NEGR1: variants seen among roughly 807,000 people sequenced by gnomAD.
NEGR1 encodes the protein neuronal growth regulator 1, also known as IgLON family member 4.
In NEGR1, 10 loss-of-function variants were observed where a neutral mutation model predicts 40.9. The observed-to-expected ratio is 0.24, with a 90% confidence interval of 0.15 to 0.42. The LOEUF is 0.42. Among genes scored for constraint, NEGR1 ranks in the 10% least tolerant of loss-of-function variants. NEGR1 has a pLI of 1.00. For missense variants in NEGR1, 352 were observed against 438.9 expected (o/e 0.80, Z 1.77); for synonymous variants, 185 against 166.8 (o/e 1.11, Z -0.84).
intron 2 of NEGR1, among the ~76,000 whole-genome samples, chr1:71,815,383 T>C (rs1338176094): frequency 2.0e-5 from 3 of 152,102 alleles, no homozygotes; most frequent in Non-Finnish European, 4.4e-5. Context: ...GTATATTCTG[T>C]TGTTTTTGGG....
Position 71,601,671 on chromosome 1 carries a change from G to A in NEGR1, c.789-8703C>T, listed in dbSNP as rs564894410. Among the ~76,000 whole-genome samples the A allele has an allele frequency of 6.6e-4, 100 of 152,292 alleles. 5 individuals are homozygous for A. The Middle Eastern group carries it at 0.044, about 67-fold the overall frequency. On this transcript the variant is annotated intron_variant, in intron 5 of 6. Transcript: ENST00000357731. ...TGTCCTTTGCAGCAACATGGATGGA[G>A]TTATAGGCCATTATCCTAAGTGAAA...
intron 1 of NEGR1, among the ~76,000 whole-genome samples, chr1:72,022,028 G>A (rs1646762426): frequency 1.3e-5 from 2 of 151,856 alleles, no homozygotes; most frequent in African/African-American, 2.4e-5. Flanking sequence ...CCAGCTACTT[G>A]GGAGGCTGAG....
intron 1 of NEGR1, among the ~76,000 whole-genome samples, chr1:72,012,878 T>TA (rs202147080): frequency 0.23 from 13,871 of 60,962 alleles, 683 homozygotes; most frequent in African/African-American, 0.32. Context: ...TATATATATA[T>TA]TTTTTTTTTT....
intron 1 of NEGR1, among the ~76,000 whole-genome samples, chr1:72,016,885 A>G (rs964083659): frequency 2.0e-5 from 3 of 152,298 alleles, no homozygotes; most frequent in Admixed American, 2.0e-4. Context: ...AATTATAAAC[A>G]GAGTTATTCA....
chr1:71,565,058 A>G (rs1648576930), intron 6 of NEGR1, among the ~76,000 whole-genome samples: 2 of 152,138 alleles, frequency 1.3e-5, no homozygotes, highest in Admixed American at 6.6e-5. Flanking sequence ...CAGTACTGAG[A>G]TCCTCTTCCC....
chr1:72,022,782 A>G (rs1426192756), intron 1 of NEGR1, among the ~76,000 whole-genome samples: 1 of 152,152 alleles, frequency 6.6e-6, no homozygotes, highest in Non-Finnish European at 1.5e-5. Context: ...GCCACTATTC[A>G]CAGACGATAT....
In NEGR1 at chr1:72,217,883, G is replaced by A. The variant is rs182397432; in HGVS notation, c.176+64436C>T. Among the ~76,000 whole-genome samples the A allele has an allele frequency of 5.1e-3, 781 of 151,758 alleles. 7 individuals carry two copies. The highest frequency in any genetic ancestry group is 0.018 in the African/African-American group (753 of 41,478). On this transcript the variant is annotated intron_variant, in intron 1 of 6. Coordinates refer to ENST00000357731, the MANE Select transcript of NEGR1 (RefSeq NM_173808.3). The stretch of plus-strand genomic sequence containing the variant: ...ATATAATAAGAAAAGTTTTCTCTTA[G>A]GCCAGTTTAGTCTTCTATATCTCCA...
intron 3 of NEGR1, among the ~76,000 whole-genome samples, chr1:71,766,625 T>G (rs1381014689): frequency 2.0e-5 from 3 of 152,140 alleles, no homozygotes; most frequent in South Asian, 2.1e-4. Flanking sequence ...TAGCCACAAA[T>G]AAGTGAATAT....
At chr1:72,075,803 T>G (rs1342439524) in intron 1 of NEGR1, among the ~76,000 whole-genome samples, 5 of 152,252 alleles carry the variant, frequency 3.3e-5, no homozygotes, top group Non-Finnish European at 7.3e-5. Context: ...TTATGTTTCC[T>G]TTAGCCCTGT....
At position 71,569,984 on chromosome 1, in the gene NEGR1, C is replaced by T. The variant is rs548385042; in HGVS notation, c.940+22833G>A. Reference sequence around the variant, plus strand: ...TGAATTACACAAAACAAGGTTCTAGCTTCATTTTGCCACTAACTAGTTTTA... The same window carrying T: ...TGAATTACACAAAACAAGGTTCTAGTTTCATTTTGCCACTAACTAGTTTTA... On this transcript the variant is annotated intron_variant, in intron 6 of 6. Transcript: ENST00000357731. Among the ~76,000 whole-genome samples the T allele has an allele frequency of 5.7e-5, 5 of 88,456 alleles. 1 individual carries two copies. In the South Asian group the frequency reaches 1.7e-3, roughly 29 times the overall value. 58.0% of individuals were successfully genotyped at this position (88,456 alleles called of 152,430 possible).
At chr1:71,686,100 T>C (rs1302669572) in intron 4 of NEGR1, among the ~76,000 whole-genome samples, 2 of 152,092 alleles carry the variant, frequency 1.3e-5, no homozygotes, top group African/African-American at 2.4e-5. Flanking sequence ...ATACTTCATA[T>C]AGGAGGAAAG....
chr1:72,132,487 C>A (rs914948973), intron 1 of NEGR1, among the ~76,000 whole-genome samples: 3 of 152,070 alleles, frequency 2.0e-5, no homozygotes, highest in Non-Finnish European at 4.4e-5. Flanking sequence ...TGAAAACAAA[C>A]AAACAAAATA....
intron 3 of NEGR1, chr1:71,703,360 C>T (rs542648309): frequency 2.6e-5 from 4 of 150,976 alleles, no homozygotes; most frequent in Non-Finnish European, 5.9e-5. Flanking sequence ...TTTAAGGGAA[C>T]AAAACAAAAT....
chr1:71,405,035 A>G lies in NEGR1; in HGVS notation c.*2411T>C, dbSNP rs1375537943. ...AGGAATGCTGCTGTGATACAGAAAA[A>G]CATAGTGAATACCTCCTCTATTTAA... On this transcript the variant is annotated 3_prime_UTR_variant, in exon 7 of 7. Coordinates refer to ENST00000357731, the MANE Select transcript of NEGR1 (RefSeq NM_173808.3). 6.6e-6 allele frequency: 1 copy of G among 152,200 alleles called. No individual in the cohort carries two copies. Among genetic ancestry groups the G allele is most frequent in the Non-Finnish European group, 1.5e-5 (1 of 67,754 alleles). 9.4% of individuals were successfully genotyped at this position (152,200 alleles called of 1,614,324 possible).
intron 4 of NEGR1, among the ~76,000 whole-genome samples, chr1:71,654,054 C>A (rs962809179): frequency 3.3e-5 from 5 of 152,018 alleles, no homozygotes; most frequent in South Asian, 2.1e-4. Context: ...TGGGGAGGAA[C>A]CTTCAAGTCA....
At chr1:72,214,722 C>A (rs1375643533) in intron 1 of NEGR1, among the ~76,000 whole-genome samples, 1 of 151,936 alleles carries the variant, frequency 6.6e-6, no homozygotes, top group Non-Finnish European at 1.5e-5. Flanking sequence ...AGGACACAAA[C>A]AAACAGCAAA....
At chr1:72,110,925 T>C (rs545270149) in intron 1 of NEGR1, among the ~76,000 whole-genome samples, 87 of 151,768 alleles carry the variant, frequency 5.7e-4, no homozygotes, top group Non-Finnish European at 1.0e-3. Context: ...GTGTTTTCTT[T>C]GGGAACATGA....
At chr1:71,711,669 T>A (rs949663295) in intron 3 of NEGR1, among the ~76,000 whole-genome samples, 6 of 152,074 alleles carry the variant, frequency 3.9e-5, no homozygotes, top group African/African-American at 1.4e-4. Flanking sequence ...ACTTAAAATT[T>A]CAACAACTGT....
chr1:71,607,659 T>C (rs1650112844), intron 5 of NEGR1, among the ~76,000 whole-genome samples: 1 of 152,228 alleles, frequency 6.6e-6, no homozygotes, highest in Admixed American at 6.5e-5. Context: ...TAGCAGGTGC[T>C]TGCTAAATAG....
Sources: allele counts gnomAD v4.1 joint callset (sites outside exome capture counted in the v4.1 genomes callset), GRCh38; gene constraint gnomAD v4.1.1; transcripts MANE v1.5; gene names NCBI Gene and HGNC (gene_info 2026-07-23, HGNC 2026-07-21).